GNAL: variants seen among roughly 807,000 people sequenced by gnomAD.
The protein encoded by GNAL is G protein subunit alpha L.
A neutral mutation model predicts 55.1 loss-of-function variants in GNAL; 18 were observed. That is an observed-to-expected ratio of 0.33 (90% CI 0.23 to 0.48). The LOEUF is 0.48. Ranked by LOEUF, GNAL falls within the 20% of genes least tolerant of loss-of-function variation. GNAL has a pLI of 0.99. For missense variants in GNAL, 412 were observed against 614.1 expected (o/e 0.67, Z 3.48); for synonymous variants, 253 against 237.0 (o/e 1.07, Z -0.62).
At chr18:11,851,461 C>A in intron 5 of GNAL, 1 of 1,479,416 alleles carries the variant, frequency 6.8e-7, no homozygotes, top group Non-Finnish European at 8.9e-7. Flanking sequence ...ACCTTCTCTG[C>A]CTTCGGCGCG....
intron 5 of GNAL, among the ~76,000 whole-genome samples, chr18:11,858,048 G>C (rs976107852): frequency 2.0e-5 from 3 of 152,098 alleles, no homozygotes; most frequent in Non-Finnish European, 4.4e-5. Flanking sequence ...TGATTACAAA[G>C]GCATTTAACA....
chr18:11,782,452 CA>C (rs1172219796), intron 4 of GNAL, among the ~76,000 whole-genome samples: 2 of 151,990 alleles, frequency 1.3e-5, no homozygotes, highest in African/African-American at 4.8e-5. Flanking sequence ...TTGTAAGGTT[CA>C]AAAAACAAGC....
chr18:11,724,261 C>CG (rs1328526148), intron 1 of GNAL, among the ~76,000 whole-genome samples: 5 of 152,210 alleles, frequency 3.3e-5, no homozygotes, highest in Non-Finnish European at 5.9e-5. Flanking sequence ...AGGAAACTTA[C>CG]GGGGGCAGCG....
intron 1 of GNAL, among the ~76,000 whole-genome samples, chr18:11,706,481 A>G (rs548772324): frequency 9.2e-5 from 14 of 152,310 alleles, no homozygotes; most frequent in Non-Finnish European, 1.9e-4. Context: ...ACAGTTTCTT[A>G]GAGTAAGACA....
At chr18:11,858,306 G>A in intron 5 of GNAL, among the ~76,000 whole-genome samples, 1 of 152,134 alleles carries the variant, frequency 6.6e-6, no homozygotes, top group East Asian at 1.9e-4. Flanking sequence ...TCCTTATAGT[G>A]TCTACAATGC....
Position 11,752,787 on chromosome 18 carries a change from G to A in GNAL, c.377-66G>A. On this transcript the variant is annotated intron_variant, in intron 1 of 11. Coordinates refer to ENST00000334049, the MANE Select transcript of GNAL (RefSeq NM_182978.4). The surrounding 1 kb of genome is among the most constrained non-coding windows in gnomAD (Gnocchi z 4.5). ...GGGGGAGGAGGATTGCTCAGACCCGGCTAGTGGTGAGAGATGGCAGCGATA... is the reference window on the plus strand; with the variant it reads ...GGGGGAGGAGGATTGCTCAGACCCGACTAGTGGTGAGAGATGGCAGCGATA... 8.1e-7 allele frequency: 1 copy of A among 1,241,212 alleles called. No individual in the cohort carries two copies. Among genetic ancestry groups the A allele is most frequent in the South Asian group, 1.2e-5 (1 of 83,600 alleles). 76.9% of individuals were successfully genotyped at this position (1,241,212 alleles called of 1,614,324 possible).
At chr18:11,791,434 C>T (rs2034233921) in intron 4 of GNAL, among the ~76,000 whole-genome samples, 1 of 152,112 alleles carries the variant, frequency 6.6e-6, no homozygotes, top group Non-Finnish European at 1.5e-5. Flanking sequence ...ATGCTTTTTG[C>T]CTTCTAAACA....
intron 4 of GNAL, 40 bp from the exon 5 acceptor site, chr18:11,824,878 C>A: frequency 9.7e-7 from 1 of 1,029,206 alleles, no homozygotes; most frequent in Non-Finnish European, 1.5e-6. Flanking sequence ...AAGGTTATTA[C>A]ACTTTTTTTT....
At position 11,768,903 on chromosome 18, in the gene GNAL, A is replaced by ATAT. The variant is rs368529073; in HGVS notation, c.624+14958_624+14959insTAT. 7.1e-4 allele frequency among the ~76,000 whole-genome samples: 80 copies of ATAT among 113,110 alleles called. 2 individuals carry two copies. Among genetic ancestry groups the ATAT allele is most frequent in the African/African-American group, 3.3e-3 (75 of 22,508 alleles). The allele number at this position is 113,110 out of a possible 152,430, so 74.2% of individuals were successfully genotyped here. ...AGCAAGACTCTGTCTCAAAAAAAAA[A>ATAT]AAAAATATATATATAACATATTATT... On this transcript the variant is annotated intron_variant, in intron 4 of 11. Coordinates refer to ENST00000334049, the MANE Select transcript of GNAL (RefSeq NM_182978.4).
chr18:11,828,225 A>G (rs1027288205), intron 5 of GNAL, among the ~76,000 whole-genome samples: 1 of 151,952 alleles, frequency 6.6e-6, no homozygotes, highest in African/African-American at 2.4e-5. Flanking sequence ...GCAATACTTC[A>G]ATCGTTAAGC....
intron 1 of GNAL, among the ~76,000 whole-genome samples, chr18:11,734,388 G>A (rs1349597269): frequency 4.6e-5 from 7 of 151,894 alleles, no homozygotes; most frequent in Admixed American, 3.9e-4. Flanking sequence ...TGATCCACCC[G>A]CCTTGGCCTT....
At chr18:11,717,944 A>AG (rs2032012490) in intron 1 of GNAL, among the ~76,000 whole-genome samples, 1 of 152,230 alleles carries the variant, frequency 6.6e-6, no homozygotes, top group Admixed American at 6.5e-5. Context: ...TAAAATGTTA[A>AG]GAAAAAAAAG....
rs774177973 is a variant in GNAL, at chr18:11,881,184, T to A, written c.*49T>A. 14 of 1,541,208 alleles carry A rather than the reference T, an allele frequency of 9.1e-6. No individual in the cohort carries two copies. Among genetic ancestry groups the A allele is most frequent in the Admixed American group, 1.9e-5 (1 of 53,350 alleles). ...GGAGCGGCGCCCCGGACTGCCTGAC[T>A]GCCAGCCCCATGCCATGGTAGGAGG... On this transcript the variant is annotated 3_prime_UTR_variant, in exon 12 of 12. Transcript: ENST00000334049. This position sits in a 1 kb window ranked among gnomAD's most constrained non-coding sequence, Gnocchi z 4.8.
intron 1 of GNAL, among the ~76,000 whole-genome samples, chr18:11,698,317 C>G (rs1057479510): frequency 1.9e-4 from 29 of 151,938 alleles, no homozygotes; most frequent in African/African-American, 6.8e-4. Flanking sequence ...ACGGTAAAAC[C>G]TCGCCTCTAC....
At chr18:11,852,674 T>A (rs2035907637) in intron 5 of GNAL, 1 of 166,374 alleles carries the variant, frequency 6.0e-6, no homozygotes, top group Admixed American at 6.5e-5. Flanking sequence ...ACGTATATTA[T>A]TAATAAATGT....
chr18:11,779,603 T>C (rs146322852), intron 4 of GNAL, among the ~76,000 whole-genome samples: 463 of 152,314 alleles, frequency 3.0e-3, no homozygotes, highest in African/African-American at 0.01. Context: ...TCAGATCTAA[T>C]AGTCCCTCAG....
At chr18:11,738,678 G>A (rs976538046) in intron 1 of GNAL, among the ~76,000 whole-genome samples, 7 of 152,050 alleles carry the variant, frequency 4.6e-5, no homozygotes, top group African/African-American at 1.7e-4. Context: ...CGAACTCCTG[G>A]CCTCAAGTGA....
At chr18:11,831,714 G>A (rs2035387634) in intron 5 of GNAL, among the ~76,000 whole-genome samples, 1 of 152,240 alleles carries the variant, frequency 6.6e-6, no homozygotes, top group African/African-American at 2.4e-5. Context: ...ATTCCAGAGG[G>A]AGCAGGGGAG....
chr18:11,849,648 G>A (rs1173272302), intron 5 of GNAL, among the ~76,000 whole-genome samples: 1 of 152,136 alleles, frequency 6.6e-6, no homozygotes, highest in Admixed American at 6.5e-5. Flanking sequence ...AGCAGAGTAG[G>A]GGGCCTAAGC....
Sources: allele counts gnomAD v4.1 joint callset (sites outside exome capture counted in the v4.1 genomes callset), GRCh38; gene constraint gnomAD v4.1.1; non-coding constraint Gnocchi (gnomAD v3.1); transcripts MANE v1.5; gene names NCBI Gene and HGNC (gene_info 2026-07-23, HGNC 2026-07-21).